Variants in TSPAN18 observed in about 807,000 individuals in gnomAD.
TSPAN18 encodes tetraspanin-18.
In TSPAN18, 14 loss-of-function variants were observed where a neutral mutation model predicts 27.3. That is an observed-to-expected ratio of 0.51 (90% CI 0.34 to 0.80). TSPAN18 has a LOEUF of 0.80. TSPAN18 is among the 30% of genes least tolerant of loss of function. The probability of loss-of-function intolerance (pLI) is 0.01; values close to 1 mark genes in which losing one functional copy is unlikely to be tolerated. For missense variants in TSPAN18, 268 were observed against 323.9 expected (o/e 0.83, Z 1.32); for synonymous variants, 143 against 136.5 (o/e 1.05, Z -0.33).
chr11:44,886,983 G>A (rs1239713847), intron 3 of TSPAN18, among the ~76,000 whole-genome samples: 1 of 152,214 alleles, frequency 6.6e-6, no homozygotes, highest in African/African-American at 2.4e-5. Context: ...AACTCCAGCT[G>A]ACTCATCTTC....
chr11:44,801,904 C>T (rs1272366225), intron 2 of TSPAN18, among the ~76,000 whole-genome samples: 1 of 152,060 alleles, frequency 6.6e-6, no homozygotes, highest in African/African-American at 2.4e-5. Context: ...TGGTGGTGTC[C>T]ACCTGTGGTC....
At chr11:44,925,351 T>C (rs1860312548) in intron 8 of TSPAN18, among the ~76,000 whole-genome samples, 1 of 152,186 alleles carries the variant, frequency 6.6e-6, no homozygotes, top group Admixed American at 6.5e-5. Context: ...CCTGAGAGTA[T>C]CATGGACCCA....
chr11:44,917,497 C>T (rs1859955568), intron 5 of TSPAN18: 1 of 154,062 alleles, frequency 6.5e-6, no homozygotes, highest in South Asian at 2.0e-4. Flanking sequence ...CTCCCCACTT[C>T]CCATGGGAAC....
intron 2 of TSPAN18, among the ~76,000 whole-genome samples, chr11:44,777,157 C>T (rs1565144381): frequency 1.3e-5 from 2 of 152,324 alleles, no homozygotes; most frequent in East Asian, 1.9e-4. Flanking sequence ...GATGCTGGCC[C>T]TCAAATAGCT....
chr11:44,756,798 G>A (rs1855343648), intron 1 of TSPAN18, among the ~76,000 whole-genome samples: 1 of 151,678 alleles, frequency 6.6e-6, no homozygotes, highest in African/African-American at 2.4e-5. Context: ...ACCACATTTT[G>A]CTTATCCATT....
At chr11:44,834,303 C>G (rs1228065395) in intron 2 of TSPAN18, among the ~76,000 whole-genome samples, 1 of 152,106 alleles carries the variant, frequency 6.6e-6, no homozygotes, top group African/African-American at 2.4e-5. Flanking sequence ...CCTCTCTCCT[C>G]TGCTTAGAAA....
At chr11:44,763,804 C>T (rs978670372) in intron 1 of TSPAN18, among the ~76,000 whole-genome samples, 4 of 152,116 alleles carry the variant, frequency 2.6e-5, no homozygotes, top group Admixed American at 6.5e-5. Flanking sequence ...GGGACGCTAT[C>T]CTGGGAAGCT....
At chr11:44,893,429 C>T (rs1244847124) in intron 3 of TSPAN18, among the ~76,000 whole-genome samples, 1 of 152,224 alleles carries the variant, frequency 6.6e-6, no homozygotes, top group East Asian at 1.9e-4. Context: ...GGTGCCAGCA[C>T]CAGGCACGCC....
At chr11:44,738,761 G>C (rs1167089428) in intron 1 of TSPAN18, among the ~76,000 whole-genome samples, 1 of 152,182 alleles carries the variant, frequency 6.6e-6, no homozygotes, top group Admixed American at 6.5e-5. Flanking sequence ...ACATTCCAAA[G>C]TGCTAGGGGT....
chr11:44,908,780 A>AAAGAAAGAAAGAAAG (rs1859573736), intron 4 of TSPAN18, among the ~76,000 whole-genome samples: 2 of 127,710 alleles, frequency 1.6e-5, no homozygotes, highest in Admixed American at 1.5e-4. Flanking sequence ...AGAAAGAAAG[A>AAAGAAAGAAAGAAAG]AAGAAAGAAA....
In TSPAN18 at chr11:44,797,647, C is replaced by T. The variant is rs1042954549; in HGVS notation, c.-153+33135C>T. ...AAGATTCTTAAGGACCAGTTCTGTG[C>T]CACATTCATCATTTTGTTATCCTTG... On this transcript the variant is annotated intron_variant, in intron 2 of 9. Transcript: ENST00000520358. 2.0e-5 allele frequency among the ~76,000 whole-genome samples: 3 copies of T among 152,176 alleles called. 1 individual carries two copies. The highest frequency in any genetic ancestry group is 4.1e-4 in the South Asian group (2 of 4,834).
At chr11:44,789,776 C>T (rs901127099) in intron 2 of TSPAN18, among the ~76,000 whole-genome samples, 2 of 152,132 alleles carry the variant, frequency 1.3e-5, no homozygotes, top group African/African-American at 4.8e-5. Context: ...AACAGGACAC[C>T]ACAAGCACTG....
intron 2 of TSPAN18, among the ~76,000 whole-genome samples, chr11:44,779,057 C>A (rs1855877500): frequency 6.6e-6 from 1 of 152,172 alleles, no homozygotes; most frequent in South Asian, 2.1e-4. Context: ...GCTGTGGCCA[C>A]TGGGGATCCT....
chr11:44,769,721 G>C (rs1855648392), intron 2 of TSPAN18, among the ~76,000 whole-genome samples: 1 of 152,176 alleles, frequency 6.6e-6, no homozygotes, highest in Non-Finnish European at 1.5e-5. Context: ...ATCCTTTCAT[G>C]TCTATGGGAC....
upstream of TSPAN18, chr11:44,726,376 C>G (rs910696403): frequency 6.6e-6 from 1 of 152,386 alleles, no homozygotes; most frequent in Non-Finnish European, 1.5e-5. Context: ...AGAACCTCAG[C>G]CCTGAGGCCG....
At chr11:44,749,162 A>C (rs549872866) in intron 1 of TSPAN18, among the ~76,000 whole-genome samples, 4 of 152,242 alleles carry the variant, frequency 2.6e-5, no homozygotes, top group Non-Finnish European at 5.9e-5. Context: ...GGAAAGACAC[A>C]GGATTTCAAG....
At chr11:44,747,678 TGTTTCTCCTCCCCCCTCCC>T (rs1855111122) in intron 1 of TSPAN18, among the ~76,000 whole-genome samples, 1 of 152,164 alleles carries the variant, frequency 6.6e-6, no homozygotes, top group South Asian at 2.1e-4. Context: ...ATGGCCCAAA[TGTTTCTCCTCCCCCCTCCC>T]GTCTCTCTCT....
At chr11:44,770,335 C>T (rs771084661) in intron 2 of TSPAN18, among the ~76,000 whole-genome samples, 3 of 152,036 alleles carry the variant, frequency 2.0e-5, no homozygotes, top group Non-Finnish European at 2.9e-5. Context: ...GAAGGCCTTC[C>T]TAATCAGATG....
At chr11:44,789,211 C>G (rs1282126568) in intron 2 of TSPAN18, among the ~76,000 whole-genome samples, 2 of 152,212 alleles carry the variant, frequency 1.3e-5, no homozygotes, top group African/African-American at 4.8e-5. Context: ...GAGCCGTGAT[C>G]ATCAGAGAAG....
Sources: allele counts gnomAD v4.1 joint callset (sites outside exome capture counted in the v4.1 genomes callset), GRCh38; gene constraint gnomAD v4.1.1; transcripts MANE v1.5; gene names NCBI Gene and HGNC (gene_info 2026-07-23, HGNC 2026-07-21).